Variants in AGAP1 observed in about 807,000 individuals in gnomAD.
The protein encoded by AGAP1 is arf-GAP with GTPase, ANK repeat and PH domain-containing protein 1.
AGAP1 carries 29 observed loss-of-function variants against 105.3 expected under a neutral mutation model. The observed-to-expected ratio is 0.28, with a 90% CI of 0.21 to 0.38. The LOEUF (loss-of-function observed/expected upper bound fraction) is 0.38. Among genes scored for constraint, AGAP1 ranks in the 10% least tolerant of loss-of-function variants. The pLI, the probability that AGAP1 is intolerant of heterozygous loss-of-function variation, is 1.00. For synonymous variants in AGAP1, 509 were observed against 485.9 expected, an observed-to-expected ratio of 1.05 and a Z score of -0.63; for missense variants, 998 against 1,165.1, an observed-to-expected ratio of 0.86 and a Z score of 2.09.
intron 6 of AGAP1, among the ~76,000 whole-genome samples, chr2:235,778,864 C>T (rs532315765): frequency 1.3e-5 from 2 of 152,334 alleles, no homozygotes; most frequent in East Asian, 3.9e-4. Context: ...ACATCTTTGT[C>T]ACCTGCATCT....
chr2:235,660,567 T>A lies in AGAP1; in HGVS notation c.164-48612T>A, dbSNP rs930257798. ...CCAGGTATGAGGGGAGAAGAAGGGG[T>A]CAGGGCCAGCAGGGAAAGAGCTTGG... On this transcript the variant is annotated intron_variant, in intron 1 of 17. Coordinates refer to ENST00000304032, the MANE Select transcript of AGAP1 (RefSeq NM_001037131.3). The surrounding 1 kb of genome is among the most constrained non-coding windows in gnomAD (Gnocchi z 5.3). 6.6e-6 allele frequency among the ~76,000 whole-genome samples: 1 copy of A among 151,562 alleles called. No homozygotes were observed. Among genetic ancestry groups the A allele is most frequent in the South Asian group, 2.1e-4 (1 of 4,784 alleles).
At position 236,051,316 on chromosome 2, in the gene AGAP1, T is replaced by C. The variant is rs1047718923; in HGVS notation, c.2114+2035T>C. Among the ~76,000 whole-genome samples, 1 of 152,240 alleles carries C rather than the reference T, an allele frequency of 6.6e-6. No homozygotes were observed. Among genetic ancestry groups the C allele is most frequent in the African/African-American group, 2.4e-5 (1 of 41,460 alleles). ...AATCAGCAAATAATCATTGCACACT[T>C]TCTCGTAGAAAAGCAACGGTGAGTG... On this transcript the variant is annotated intron_variant, in intron 16 of 17. Coordinates refer to ENST00000304032, the MANE Select transcript of AGAP1 (RefSeq NM_001037131.3). The surrounding 1 kb of genome is among the most constrained non-coding windows in gnomAD (Gnocchi z 5.9).
intron 9 of AGAP1, among the ~76,000 whole-genome samples, chr2:235,825,722 TA>T (rs1431669988): frequency 6.6e-6 from 1 of 152,130 alleles, no homozygotes; most frequent in African/African-American, 2.4e-5. Flanking sequence ...GTATATACAA[TA>T]AAAAATAGTG....
intron 1 of AGAP1, among the ~76,000 whole-genome samples, chr2:235,605,594 AC>A (rs2149244705): frequency 6.6e-6 from 1 of 152,344 alleles, no homozygotes; most frequent in South Asian, 2.1e-4. Flanking sequence ...ATTATTCAAG[AC>A]ACCCTAAGGG....
chr2:235,538,460 T>TGTGTGTGTGTGTGTGTGTGTGTGC (rs1553561884), intron 1 of AGAP1, among the ~76,000 whole-genome samples: 12 of 150,560 alleles, frequency 8.0e-5, no homozygotes, highest in Admixed American at 6.6e-4. Context: ...TGTGTGTGTG[T>TGTGTGTGTGTGTGTGTGTGTGTGC]GCATGCTTGT....
rs993543369 is a variant in AGAP1, at chr2:235,874,251, A to G, written c.1051-9094A>G. ...ATTTTACTAGAGACGGGGTTTCACCATGTTTACCGGGATGGTCTCGATCTC... is the reference window on the plus strand; with the variant it reads ...ATTTTACTAGAGACGGGGTTTCACCGTGTTTACCGGGATGGTCTCGATCTC... On this transcript the variant is annotated intron_variant, in intron 9 of 17. Coordinates refer to ENST00000304032, the MANE Select transcript of AGAP1 (RefSeq NM_001037131.3). This position sits in a 1 kb window ranked among gnomAD's most constrained non-coding sequence, Gnocchi z 4.5. Among the ~76,000 whole-genome samples the G allele has an allele frequency of 1.3e-5, 2 of 151,444 alleles. No homozygotes were observed. The highest frequency in any genetic ancestry group is 2.9e-5 in the Non-Finnish European group (2 of 67,922).
At chr2:236,008,903 C>T (rs757957868) in intron 13 of AGAP1, among the ~76,000 whole-genome samples, 3 of 152,190 alleles carry the variant, frequency 2.0e-5, no homozygotes, top group Non-Finnish European at 4.4e-5. Flanking sequence ...GGTGTTTTAT[C>T]TTCTGTGTTT....
intron 1 of AGAP1, among the ~76,000 whole-genome samples, chr2:235,520,542 C>T (rs573558645): frequency 1.1e-4 from 16 of 152,162 alleles, no homozygotes; most frequent in African/African-American, 3.1e-4. Flanking sequence ...CCTTTCTGGG[C>T]GGGTCTGTGT....
chr2:235,803,049 G>GTGA (rs1559506517), intron 8 of AGAP1, among the ~76,000 whole-genome samples: 4 of 3,282 alleles, frequency 1.2e-3, no homozygotes, highest in East Asian at 0.015. Context: ...GATGATGGTT[G>GTGA]TGGTGATGGT....
At chr2:235,638,380 A>G (rs1013842031) in intron 1 of AGAP1, among the ~76,000 whole-genome samples, 1 of 152,222 alleles carries the variant, frequency 6.6e-6, no homozygotes, top group African/African-American at 2.4e-5. Context: ...GGTGCACTGC[A>G]CAGGGTGGCT....
At chr2:235,686,552 T>TACACACACAC (rs1464294088) in intron 1 of AGAP1, among the ~76,000 whole-genome samples, 2 of 54,328 alleles carry the variant, frequency 3.7e-5, no homozygotes, top group African/African-American at 1.2e-4. Flanking sequence ...AGGAGATATA[T>TACACACACAC]ATATACACAC....
chr2:235,882,040 G>GT lies in AGAP1; in HGVS notation c.1051-1298dup, dbSNP rs1253084195. ...TTAATGCAGTTTGGGTTTTTCTGGGGTTTTTTTGTGGTTTTTGTTTTGTTT... is the reference window on the plus strand; with the variant it reads ...TTAATGCAGTTTGGGTTTTTCTGGGGTTTTTTTTGTGGTTTTTGTTTTGTTT... On this transcript the variant is annotated intron_variant, in intron 9 of 17. Coordinates refer to ENST00000304032, the MANE Select transcript of AGAP1 (RefSeq NM_001037131.3). This position sits in a 1 kb window ranked among gnomAD's most constrained non-coding sequence, Gnocchi z 4.6. 3.3e-5 allele frequency among the ~76,000 whole-genome samples: 5 copies of GT among 152,040 alleles called. No individual in the cohort carries two copies. The highest frequency in any genetic ancestry group is 3.9e-4 in the East Asian group (2 of 5,166).
chr2:235,843,964 G>T lies in AGAP1; in HGVS notation c.1050+36633G>T, dbSNP rs1443145236. Among the ~76,000 whole-genome samples the T allele has an allele frequency of 6.6e-6, 1 of 152,196 alleles. No homozygotes were observed. The highest frequency in any genetic ancestry group is 1.5e-5 in the Non-Finnish European group (1 of 68,040). On this transcript the variant is annotated intron_variant, in intron 9 of 17. Coordinates refer to ENST00000304032, the MANE Select transcript of AGAP1 (RefSeq NM_001037131.3). This position sits in a 1 kb window ranked among gnomAD's most constrained non-coding sequence, Gnocchi z 5.9. ...TCACATTGTCATCAGTGTCACTCAGGACCTTGCCCGCTGCCCCAGCTCAGA... is the reference window on the plus strand; with the variant it reads ...TCACATTGTCATCAGTGTCACTCAGTACCTTGCCCGCTGCCCCAGCTCAGA...
In AGAP1 at chr2:235,867,282, C is replaced by A. The variant is rs1193593787; in HGVS notation, c.1051-16063C>A. On this transcript the variant is annotated intron_variant, in intron 9 of 17. Coordinates refer to ENST00000304032, the MANE Select transcript of AGAP1 (RefSeq NM_001037131.3). The surrounding 1 kb of genome is among the most constrained non-coding windows in gnomAD (Gnocchi z 5.4). ...GGCTTCATGGGTCGTGTGGTTTCTC[C>A]TGAACTACCTACCTCTCCCAGTTCA... Among the ~76,000 whole-genome samples the A allele has an allele frequency of 6.6e-6, 1 of 152,200 alleles. No homozygotes were observed. The highest frequency in any genetic ancestry group is 1.5e-5 in the Non-Finnish European group (1 of 68,036).
chr2:235,737,623 A>C lies in AGAP1; in HGVS notation c.311-3340A>C, dbSNP rs1038257465. Among the ~76,000 whole-genome samples, 2 of 152,196 alleles carry C rather than the reference A, an allele frequency of 1.3e-5. No individual in the cohort carries two copies. Among genetic ancestry groups the C allele is most frequent in the African/African-American group, 4.8e-5 (2 of 41,454 alleles). On this transcript the variant is annotated intron_variant, in intron 3 of 17. Coordinates refer to ENST00000304032, the MANE Select transcript of AGAP1 (RefSeq NM_001037131.3). The surrounding 1 kb of genome is among the most constrained non-coding windows in gnomAD (Gnocchi z 4.5). ...TGCAAAAACATGTTAGAGGAAGCAA[A>C]GGAGAGGATGGACGTGAAATCCGTC...
chr2:236,108,640 T>A (rs772979690), intron 16 of AGAP1, among the ~76,000 whole-genome samples: 7 of 152,150 alleles, frequency 4.6e-5, no homozygotes, highest in Non-Finnish European at 1.5e-5. Context: ...CCAATAAAAA[T>A]GAGCACATTA....
chr2:235,579,531 T>G (rs1944856724), intron 1 of AGAP1, among the ~76,000 whole-genome samples: 1 of 151,930 alleles, frequency 6.6e-6, no homozygotes, highest in Non-Finnish European at 1.5e-5. Flanking sequence ...ATCCCAGCAC[T>G]TTGGGAGGCC....
rs994909589 is a variant in AGAP1 at position 235,747,792 on chromosome 2, G to A, written c.539-2562G>A. 4.6e-5 allele frequency among the ~76,000 whole-genome samples: 7 copies of A among 152,262 alleles called. No individual in the cohort carries two copies. The highest frequency in any genetic ancestry group is 1.7e-4 in the African/African-American group (7 of 41,474). On this transcript the variant is annotated intron_variant, in intron 5 of 17. Coordinates refer to ENST00000304032, the MANE Select transcript of AGAP1 (RefSeq NM_001037131.3). The surrounding 1 kb of genome is among the most constrained non-coding windows in gnomAD (Gnocchi z 5.0). ...ATGCCAGAGACAAAAGAGGGATCAG[G>A]TTGTCTAGGAAGGCACCTGGCATTT...
At position 235,882,955 on chromosome 2, in the gene AGAP1, G is replaced by A. The variant is rs1390170432; in HGVS notation, c.1051-390G>A. ...AACCCCCCACGTAACTGGGATTACA[G>A]AAGCACACCACCGTGCCCAGCTAAT... On this transcript the variant is annotated intron_variant, in intron 9 of 17. Coordinates refer to ENST00000304032, the MANE Select transcript of AGAP1 (RefSeq NM_001037131.3). This position sits in a 1 kb window ranked among gnomAD's most constrained non-coding sequence, Gnocchi z 4.6. Among the ~76,000 whole-genome samples, 4 of 152,082 alleles carry A rather than the reference G, an allele frequency of 2.6e-5. No homozygotes were observed. Among genetic ancestry groups the A allele is most frequent in the African/African-American group, 9.7e-5 (4 of 41,380 alleles).
Sources: gnomAD v4.1 joint callset for allele counts (sites outside exome capture counted in the v4.1 genomes callset) on GRCh38, gnomAD v4.1.1 for gene constraint, Gnocchi (gnomAD v3.1) non-coding constraint, MANE v1.5 for transcripts, NCBI Gene and HGNC (gene_info 2026-07-23, HGNC 2026-07-21) for gene names.